PALM3: variants seen among roughly 807,000 people sequenced by gnomAD.
The protein encoded by PALM3 is paralemmin-3.
Under a neutral mutation model 27.9 loss-of-function variants are expected in PALM3, and 20 were observed. The ratio of observed to expected loss-of-function variants is 0.72; its 90% CI spans 0.50 to 1.04. The LOEUF (loss-of-function observed/expected upper bound fraction) is 1.04. Ranked by LOEUF, PALM3 falls within the 50% of genes least tolerant of loss-of-function variation. The pLI, the probability that PALM3 is intolerant of heterozygous loss-of-function variation, is 0.00. For missense variants in PALM3, 814 were observed against 869.4 expected (o/e 0.94, Z 0.80); for synonymous variants, 328 against 352.7 (o/e 0.93, Z 0.79).
In PALM3 at chr19:14,053,493, A is replaced by G. The variant is rs1252302353; in HGVS notation, c.*112T>C. ...TGGACGTGCAGGCTAGCTGGCTCCC[A>G]GGTGCCATGGCCAGTCCTGTGGTCC... On this transcript the variant is annotated 3_prime_UTR_variant, in exon 7 of 7. Coordinates refer to ENST00000669674, the MANE Select transcript of PALM3 (RefSeq NM_001145028.2). The G allele has an allele frequency of 3.9e-6, 5 of 1,268,106 alleles. No individual in the cohort carries two copies. Among genetic ancestry groups the G allele is most frequent in the Non-Finnish European group, 5.2e-6 (5 of 964,668 alleles). 78.6% of individuals were successfully genotyped at this position (1,268,106 alleles called of 1,614,324 possible). A position where few individuals can be genotyped will look rare whatever the true frequency, so the allele number is the denominator to read the frequency against.
At chr19:14,057,322 C>A in intron 3 of PALM3, 29 bp downstream of exon 3, 1 of 1,515,810 alleles carries the variant, frequency 6.6e-7, no homozygotes, top group Non-Finnish European at 8.9e-7. Flanking sequence ...ATTCCCCAGG[C>A]TAGGCAGGCG....
intron 1 of PALM3, among the ~76,000 whole-genome samples, chr19:14,060,118 G>A (rs936548412): frequency 2.6e-5 from 4 of 151,968 alleles, no homozygotes; most frequent in Non-Finnish European, 5.9e-5. Context: ...TCTAGAAAGC[G>A]ATGTCTCTCT....
At position 14,054,701 on chromosome 19, in the gene PALM3, C is replaced by T; in HGVS notation, c.971G>A (p.Arg324Lys). 6.4e-7 allele frequency: 1 copy of T among 1,551,652 alleles called. No homozygotes were observed. ...TTCTATGGAAGCTGCTGCCTCTAAT[C>T]TCTCCTGGAGCCTAGGCGAGCTAGT... is the stretch of plus-strand genomic sequence containing the variant. The part of the protein sequence containing the change: ...VQTSSPRLQE[R>K]LEAAASIEGE... Residue 324 changes from arginine to lysine, a missense_variant, in exon 7 of 7, where the codon AGA becomes AAA. Physicochemically the swap from Arg to Lys is conservative, Grantham distance 26. Transcript: ENST00000669674.
In PALM3 at chr19:14,054,424, G is replaced by A; in HGVS notation, c.1248C>T (p.Ser416=). The A allele has an allele frequency of 6.4e-7, 1 of 1,551,566 alleles. No individual in the cohort carries two copies. The highest frequency in any genetic ancestry group is 8.7e-7 in the Non-Finnish European group (1 of 1,146,900). ...GCTTTTCCTCACTTCCTATTCCCAT[G>A]GATTCTTCCGCTTTTCTCTTCTCTG... ...WEAEKRKAEE[S]MGIGSEEKPG... Residue 416 remains serine (S), a synonymous_variant, in exon 7 of 7, where the codon TCC becomes TCT. Transcript: ENST00000669674.
At position 14,053,828 on chromosome 19, in the gene PALM3, C is replaced by T. The variant is rs748408314; in HGVS notation, c.1844G>A (p.Gly615Asp). The T allele has an allele frequency of 3.9e-6, 6 of 1,550,428 alleles. No individual in the cohort carries two copies. The African/African-American group carries it at 6.9e-5, about 18-fold the overall frequency. The stretch of plus-strand genomic sequence containing the variant: ...AAGAGGTGTGGCATCCCCCAAGGGG[C>T]CTTGGCCCTCAGCAGCGGTTTGGGG... ...VKPQTAAEGQ[G>D]PLGDATPLLA... The change falls in exon 7 of 7, where the codon GGC (glycine) becomes GAC (aspartate). Residue 615 changes from glycine to aspartate, a missense_variant. By Grantham distance (94) the Gly-to-Asp change is moderately conservative (BLOSUM62 -1). Transcript: ENST00000669674.
At chr19:14,058,296 T>C (rs1976353085) in intron 2 of PALM3, among the ~76,000 whole-genome samples, 1 of 135,680 alleles carries the variant, frequency 7.4e-6, no homozygotes, top group Non-Finnish European at 1.6e-5. Context: ...GGGGTGCAGA[T>C]AGGTGGGGTA....
chr19:14,055,253 A>AGGACAAAAGGGAAGACAGGGTAAAGATG, intron 6 of PALM3, 27 bp from the exon 7 acceptor site: 1 of 1,510,640 alleles, frequency 6.6e-7, no homozygotes, highest in African/African-American at 1.4e-5. Context: ...TGGAGGGGAG[A>AGGACAAAAGGGAAGACAGGGTAAAGATG]GGACAAAAGG....
chr19:14,061,526 A>C (rs543746152), intron 1 of PALM3, among the ~76,000 whole-genome samples: 54 of 152,240 alleles, frequency 3.5e-4, no homozygotes, highest in African/African-American at 1.3e-3. Flanking sequence ...CAATGTTGCC[A>C]TTGTCTTTCT....
rs1976288118 is a variant in PALM3 at position 14,055,421 on chromosome 19, T to C, written c.404A>G (p.His135Arg). The C allele has an allele frequency of 6.4e-7, 1 of 1,551,522 alleles. No homozygotes were observed. Among genetic ancestry groups the C allele is most frequent in the African/African-American group, 1.4e-5 (1 of 73,122 alleles). ...SGRPSWRRQG[H>R]RPLSQSIVEA... ...GACAATGGACTGGGAGAGAGGACGG[T>C]GACCCTGCAGAGATGGCGGAGACAA... Residue 135 changes from histidine to arginine, a missense_variant, in exon 6 of 7, where the codon CAC (histidine) becomes CGC (arginine). His to Arg is a conservative substitution (Grantham distance 29). Transcript: ENST00000669674.
At chr19:14,055,459 C>T (rs1186201436) in intron 5 of PALM3, 34 bp from the exon 6 acceptor site, 1 of 1,549,862 alleles carries the variant, frequency 6.5e-7, no homozygotes, top group East Asian at 2.4e-5. Context: ...TCAGGCTGGC[C>T]CTCATCCCCA....
In PALM3 at chr19:14,054,112, C is replaced by G. The variant is rs1455644060; in HGVS notation, c.1560G>C (p.Glu520Asp). 5 of 1,551,876 alleles carry G rather than the reference C, an allele frequency of 3.2e-6. No homozygotes were observed. The African/African-American group carries it at 5.5e-5, about 17-fold the overall frequency. ...EEPEATKEPL[E>D]AERKGGEETL... Reference sequence around the variant, plus strand: ...TCTCCTCCCCTCCCTTTCTCTCTGCCTCCAGTGGTTCTTTGGTTGCCTCTG... The same window carrying G: ...TCTCCTCCCCTCCCTTTCTCTCTGCGTCCAGTGGTTCTTTGGTTGCCTCTG... Residue 520 changes from glutamate to aspartate, a missense_variant, in exon 7 of 7, where the codon GAG becomes GAC. Glu to Asp is a conservative substitution (Grantham distance 45). Transcript: ENST00000669674.
Position 14,054,837 on chromosome 19 carries a change from G to A in PALM3, c.835C>T (p.Pro279Ser). 6.5e-7 allele frequency: 1 copy of A among 1,548,848 alleles called. No individual in the cohort carries two copies. The highest frequency in any genetic ancestry group is 1.4e-5 in the African/African-American group (1 of 73,082). Reference protein sequence around the residue: ...DRKGAGSLELPAWVKEDRGIV... With the variant: ...DRKGAGSLELSAWVKEDRGIV... ...CCCCTGTCCTCCTTCACCCAGGCCG[G>A]GAGCTCCAGGCTACCAGCTCCCTTC... The change falls in exon 7 of 7, where the codon CCG becomes TCG. Residue 279 changes from proline (P) to serine (S), a missense_variant. By Grantham distance (74) the Pro-to-Ser change is moderately conservative. Transcript: ENST00000669674.
chr19:14,053,378 C>T lies in PALM3; in HGVS notation c.*227G>A. On this transcript the variant is annotated 3_prime_UTR_variant, in exon 7 of 7. Coordinates refer to ENST00000669674, the MANE Select transcript of PALM3 (RefSeq NM_001145028.2). ...ACATTCAAGCCGTCTTGAGTGCTTTCACATTTTATTTTCAAGTATAAAGGC... is the reference window on the plus strand; with the variant it reads ...ACATTCAAGCCGTCTTGAGTGCTTTTACATTTTATTTTCAAGTATAAAGGC... 1 of 451,234 alleles carries T rather than the reference C, an allele frequency of 2.2e-6. No individual in the cohort carries two copies. The highest frequency in any genetic ancestry group is 3.8e-6 in the Non-Finnish European group (1 of 260,604). The allele number at this position is 451,234 out of a possible 1,614,324, so 28.0% of individuals were successfully genotyped here.
chr19:14,056,466 T>C lies in PALM3; in HGVS notation c.362A>G (p.Gln121Arg). The C allele has an allele frequency of 6.4e-7, 1 of 1,551,734 alleles. No homozygotes were observed. Among genetic ancestry groups the C allele is most frequent in the Non-Finnish European group, 8.7e-7 (1 of 1,146,976 alleles). ...GCTGGGCCTGCCTGAGGGCTTGTGC[T>C]GGGCACCTGTGGAAGCACTTTGCAA... The part of the protein sequence containing the change: ...QLLQSASTGA[Q>R]HKPSGRPSWR... The change falls in exon 5 of 7, where the codon CAG (glutamine) becomes CGG (arginine). Residue 121 changes from glutamine to arginine, a missense_variant. Gln to Arg is a conservative substitution (Grantham distance 43). Transcript: ENST00000669674.
intron 1 of PALM3, among the ~76,000 whole-genome samples, chr19:14,061,671 C>G (rs559378425): frequency 5.9e-5 from 9 of 152,282 alleles, no homozygotes; most frequent in African/African-American, 1.9e-4. Context: ...AGCCCCACCC[C>G]CTGGCTGGAC....
Position 14,057,446 on chromosome 19 carries a change from C to G in PALM3, c.91-15G>C. On this transcript the variant is annotated splice_polypyrimidine_tract_variant and intron_variant, in intron 2 of 6. Coordinates refer to ENST00000669674, the MANE Select transcript of PALM3 (RefSeq NM_001145028.2). The stretch of plus-strand genomic sequence containing the variant: ...CGCCGCTTCTCCTGCGCACAGAGGA[C>G]CCGGAGCTGCCCGCCGGCCGGGCGC... 1 of 1,513,870 alleles carries G rather than the reference C, an allele frequency of 6.6e-7. No individual in the cohort carries two copies. Among genetic ancestry groups the G allele is most frequent in the Non-Finnish European group, 8.8e-7 (1 of 1,130,192 alleles). 93.8% of individuals were successfully genotyped at this position (1,513,870 alleles called of 1,614,324 possible).
At chr19:14,055,489 C>T in intron 5 of PALM3, 64 bp from the exon 6 acceptor site, 1 of 1,516,770 alleles carries the variant, frequency 6.6e-7, no homozygotes, top group Non-Finnish European at 8.9e-7. Flanking sequence ...TCCCTGCATG[C>T]TAGGCTCCCA....
chr19:14,061,900 G>A, intron 1 of PALM3, 40 bp downstream of exon 1: 1 of 978,074 alleles, frequency 1.0e-6, no homozygotes, highest in Non-Finnish European at 1.2e-6. Context: ...CCCCTCCCAA[G>A]GCCCTGCCCA....
chr19:14,054,189 C>T lies in PALM3; in HGVS notation c.1483G>A (p.Glu495Lys), dbSNP rs1976247798. The T allele has an allele frequency of 1.3e-6, 2 of 1,551,990 alleles. No individual in the cohort carries two copies. Among genetic ancestry groups the T allele is most frequent in the Non-Finnish European group, 8.7e-7 (1 of 1,147,080 alleles). ...GDEEKRGAEEEEVEEPLGVEK... is the reference protein window; with the variant it reads ...GDEEKRGAEEKEVEEPLGVEK... The stretch of plus-strand genomic sequence containing the variant: ...ACTCCCAATGGTTCTTCTACCTCCT[C>T]CTCCTCTGCCCCTCGCTTTTCCTCA... Residue 495 changes from glutamate (E) to lysine (K), a missense_variant, in exon 7 of 7, where the codon GAG becomes AAG. Coordinates refer to ENST00000669674, the MANE Select transcript of PALM3 (RefSeq NM_001145028.2).
Sources: gnomAD v4.1 joint callset for allele counts (sites outside exome capture counted in the v4.1 genomes callset) on GRCh38, gnomAD v4.1.1 for gene constraint, MANE v1.5 for transcripts, NCBI Gene and HGNC (gene_info 2026-07-23, HGNC 2026-07-21) for gene names.